Variants in LRRC28 observed in about 807,000 individuals in gnomAD.
LRRC28 encodes the protein leucine-rich repeat-containing protein 28.
A neutral mutation model predicts 45.7 loss-of-function variants in LRRC28; 39 were observed. The observed-to-expected ratio is 0.85, with a 90% CI of 0.66 to 1.12. The LOEUF (loss-of-function observed/expected upper bound fraction) is 1.12, where lower values mean the gene tolerates loss of function less well. Among genes scored for constraint, LRRC28 ranks in the 50% most tolerant of loss-of-function variants. LRRC28 has a pLI of 0.00. For missense variants in LRRC28, 435 were observed against 438.5 expected (o/e 0.99, Z 0.07); for synonymous variants, 206 against 178.8 (o/e 1.15, Z -1.22).
intron 7 of LRRC28, among the ~76,000 whole-genome samples, chr15:99,356,143 G>A (rs1957041483): frequency 6.6e-6 from 1 of 152,138 alleles, no homozygotes; most frequent in African/African-American, 2.4e-5. Context: ...AGAACCCAGG[G>A]TCTCTACAAT....
At chr15:99,376,649 A>G (rs1957643974) in intron 9 of LRRC28, among the ~76,000 whole-genome samples, 1 of 152,054 alleles carries the variant, frequency 6.6e-6, no homozygotes, top group Non-Finnish European at 1.5e-5. Flanking sequence ...CTCATTATTT[A>G]CATTAGGTAT....
chr15:99,380,837 T>A (rs1957797667), intron 9 of LRRC28, among the ~76,000 whole-genome samples: 1 of 152,262 alleles, frequency 6.6e-6, no homozygotes, highest in Non-Finnish European at 1.5e-5. Flanking sequence ...AAAATTCTTT[T>A]CTTTAAGAAT....
In LRRC28 at chr15:99,287,279, G is replaced by C; in HGVS notation, c.232G>C (p.Val78Leu). Residue 78 changes from valine (V) to leucine (L), a missense_variant, in exon 4 of 10, where the codon GTT becomes CTT. Physicochemically the swap from Val to Leu is conservative, Grantham distance 32. Coordinates refer to ENST00000301981, the MANE Select transcript of LRRC28 (RefSeq NM_144598.5). ...VELYLHSNNIVVVPEAIGSLV... is the reference protein window; with the variant it reads ...VELYLHSNNILVVPEAIGSLV... Reference sequence around the variant, plus strand: ...TAGATACCTGCACTCAAATAACATAGTTGTGGTTCCGGAAGGTATGTTTAA... The same window carrying C: ...TAGATACCTGCACTCAAATAACATACTTGTGGTTCCGGAAGGTATGTTTAA... The C allele has an allele frequency of 6.4e-7, 1 of 1,568,646 alleles. No homozygotes were observed. The highest frequency in any genetic ancestry group is 8.6e-7 in the Non-Finnish European group (1 of 1,160,568).
intron 2 of LRRC28, among the ~76,000 whole-genome samples, chr15:99,260,551 T>C (rs529007866): frequency 6.6e-6 from 1 of 152,334 alleles, no homozygotes; most frequent in South Asian, 2.1e-4. Context: ...TGTACAGATA[T>C]GAGGGGATGG....
chr15:99,308,627 C>T (rs113054240), intron 5 of LRRC28, among the ~76,000 whole-genome samples: 325 of 152,282 alleles, frequency 2.1e-3, no homozygotes, highest in African/African-American at 7.0e-3. Flanking sequence ...GACCTATGAA[C>T]GCTCCACTGC....
chr15:99,342,840 C>T (rs1956560896), intron 6 of LRRC28, among the ~76,000 whole-genome samples: 1 of 152,154 alleles, frequency 6.6e-6, no homozygotes, highest in African/African-American at 2.4e-5. Flanking sequence ...TTATAATTCA[C>T]TGTGAAGTCT....
intron 5 of LRRC28, among the ~76,000 whole-genome samples, chr15:99,288,973 C>T (rs2082037912): frequency 6.6e-6 from 1 of 152,188 alleles, no homozygotes; most frequent in South Asian, 2.1e-4. Context: ...AGCCACCATG[C>T]CTGACCTAGT....
chr15:99,336,012 T>C (rs1215170914), intron 6 of LRRC28, among the ~76,000 whole-genome samples: 43 of 152,182 alleles, frequency 2.8e-4, no homozygotes, highest in Admixed American at 2.8e-3. Context: ...CAGATTAGGT[T>C]GTTAAGTCTG....
chr15:99,323,188 C>T (rs1342846324), intron 5 of LRRC28, among the ~76,000 whole-genome samples: 2 of 152,006 alleles, frequency 1.3e-5, no homozygotes, highest in African/African-American at 4.8e-5. Flanking sequence ...ATTTTGGCTC[C>T]CTGGTCTGTG....
At chr15:99,322,351 T>C (rs747592719) in intron 5 of LRRC28, among the ~76,000 whole-genome samples, 1 of 151,972 alleles carries the variant, frequency 6.6e-6, no homozygotes, top group Non-Finnish European at 1.5e-5. Context: ...AGAAGACCAA[T>C]GGGGAGGCTT....
intron 3 of LRRC28, chr15:99,284,549 G>A (rs2081904631): frequency 4.4e-6 from 2 of 458,008 alleles, no homozygotes; most frequent in Admixed American, 2.3e-5. Context: ...TCACAAAACT[G>A]TTGTAACCTG....
rs770912092 is a variant in LRRC28, at chr15:99,386,150, T to C, written c.*48T>C. The C allele has an allele frequency of 1.8e-5, 25 of 1,384,094 alleles. No homozygotes were observed. The highest frequency in any genetic ancestry group is 2.1e-6 in the Non-Finnish European group (2 of 970,530). The allele number at this position is 1,384,094 out of a possible 1,614,324, so 85.7% of individuals were successfully genotyped here. On this transcript the variant is annotated 3_prime_UTR_variant, in exon 10 of 10. Transcript: ENST00000301981. Reference sequence around the variant, plus strand: ...GCGCTGCCAGCTTGACACTGGGGAATCCAGCCAGTCCAGCACACTCTTCCA... The same window carrying C: ...GCGCTGCCAGCTTGACACTGGGGAACCCAGCCAGTCCAGCACACTCTTCCA...
chr15:99,323,441 G>A (rs1398598981), intron 5 of LRRC28, among the ~76,000 whole-genome samples: 2 of 152,194 alleles, frequency 1.3e-5, no homozygotes, highest in African/African-American at 2.4e-5. Flanking sequence ...AAGAGGTTGC[G>A]TTGTTTGATA....
chr15:99,296,262 G>C (rs1259029863), intron 5 of LRRC28, among the ~76,000 whole-genome samples: 2 of 152,218 alleles, frequency 1.3e-5, no homozygotes, highest in Non-Finnish European at 2.9e-5. Context: ...AGGTGGCCCA[G>C]GAACACTGGG....
intron 5 of LRRC28, among the ~76,000 whole-genome samples, chr15:99,299,410 T>C (rs1422217089): frequency 6.6e-6 from 1 of 152,166 alleles, no homozygotes; most frequent in East Asian, 1.9e-4. Flanking sequence ...ACATGTATTA[T>C]GTAGATTGAT....
At chr15:99,373,241 C>T (rs182983327) in intron 9 of LRRC28, among the ~76,000 whole-genome samples, 13 of 152,168 alleles carry the variant, frequency 8.5e-5, no homozygotes, top group Admixed American at 3.9e-4. Context: ...GTTTCATCAG[C>T]GAATCCCCCA....
At chr15:99,257,957 G>A (rs554271870) in intron 2 of LRRC28, 1 of 790,108 alleles carries the variant, frequency 1.3e-6, no homozygotes, top group South Asian at 1.4e-5. Context: ...TGACGCTTTA[G>A]TTAAGATAAG....
rs971646378 is a variant in LRRC28 at position 99,347,083 on chromosome 15, C to G, written c.593-5286C>G. Among the ~76,000 whole-genome samples, 4 of 152,230 alleles carry G rather than the reference C, an allele frequency of 2.6e-5. 1 individual carries two copies. Among genetic ancestry groups the G allele is most frequent in the Admixed American group, 2.6e-4 (4 of 15,296 alleles). On this transcript the variant is annotated intron_variant, in intron 6 of 9. Coordinates refer to ENST00000301981, the MANE Select transcript of LRRC28 (RefSeq NM_144598.5). Reference sequence around the variant, plus strand: ...TGTAATACAGTACAAGTTTATTAACCATAGTCTTCATGTTGTACATTAGAT... The same window carrying G: ...TGTAATACAGTACAAGTTTATTAACGATAGTCTTCATGTTGTACATTAGAT...
At chr15:99,318,835 C>T (rs1387884016) in intron 5 of LRRC28, among the ~76,000 whole-genome samples, 3 of 151,770 alleles carry the variant, frequency 2.0e-5, no homozygotes, top group Admixed American at 2.0e-4. Flanking sequence ...TTGTGTTGTG[C>T]ATGTGTTTTT....
Sources: gnomAD v4.1 joint callset for allele counts (sites outside exome capture counted in the v4.1 genomes callset) on GRCh38, gnomAD v4.1.1 for gene constraint, MANE v1.5 for transcripts, NCBI Gene and HGNC (gene_info 2026-07-23, HGNC 2026-07-21) for gene names.